RASSF2: variants seen among roughly 807,000 people sequenced by gnomAD.
RASSF2 encodes the protein Ras association domain family member 2, also known as ras association domain-containing protein 2.
A neutral mutation model predicts 46.3 loss-of-function variants in RASSF2; 34 were observed. The observed-to-expected ratio is 0.73, with a 90% confidence interval of 0.56 to 0.98. The LOEUF (loss-of-function observed/expected upper bound fraction) is 0.98. Ranked by LOEUF, RASSF2 falls within the 50% of genes least tolerant of loss-of-function variation. The probability of loss-of-function intolerance (pLI) is 0.00; values close to 1 mark genes in which losing one functional copy is unlikely to be tolerated. For missense variants in RASSF2, 364 were observed against 431.2 expected, an observed-to-expected ratio of 0.84 and a Z score of 1.38; for synonymous variants, 158 against 162.5, an observed-to-expected ratio of 0.97 and a Z score of 0.21.
At chr20:4,786,412 A>C in intron 10 of RASSF2, 84 bp from the exon 11 acceptor site, 2 of 1,182,768 alleles carry the variant, frequency 1.7e-6, no homozygotes, top group Non-Finnish European at 2.5e-6. Flanking sequence ...TACAAGGCAC[A>C]AAGCCTTGGG....
In RASSF2 at chr20:4,795,915, G is replaced by A. The variant is rs201330263; in HGVS notation, c.187C>T (p.Arg63Cys). Residue 63 changes from arginine to cysteine, a missense_variant, in exon 5 of 12, where the codon CGC (arginine) becomes TGC (cysteine). Transcript: ENST00000379400. The surrounding 1 kb of genome is among the most constrained non-coding windows in gnomAD (Gnocchi z 4.0). ...EGLLNISWGL[R>C]RPIRLQMQDD... is the part of the protein sequence containing the mutation. ...TGCATCTGCAGGCGAATGGGCCGGC[G>A]CAGGCCCCAGGAGATGTTCAGGAGC... 1.2e-5 allele frequency: 19 copies of A among 1,596,250 alleles called. No individual in the cohort carries two copies. Among genetic ancestry groups the A allele is most frequent in the East Asian group, 4.6e-5 (2 of 43,272 alleles).
chr20:4,781,400 T>G lies in RASSF2; in HGVS notation c.*2873A>C, dbSNP rs908032483. The G allele has an allele frequency of 1.3e-5, 2 of 152,218 alleles. No homozygotes were observed. The highest frequency in any genetic ancestry group is 2.9e-5 in the Non-Finnish European group (2 of 68,042). The allele number at this position is 152,218 out of a possible 1,614,324, so 9.4% of individuals were successfully genotyped here. A position where few individuals can be genotyped will look rare whatever the true frequency, so the allele number is the denominator to read the frequency against. The stretch of plus-strand genomic sequence containing the variant: ...AATCTTGACCCGAGGCCTCAGCATT[T>G]TTCTTGCAGATGGGTGACTAATATC... On this transcript the variant is annotated 3_prime_UTR_variant, in exon 12 of 12. Coordinates refer to ENST00000379400, the MANE Select transcript of RASSF2 (RefSeq NM_014737.3).
chr20:4,788,454 C>T (rs1925559620), intron 8 of RASSF2, among the ~76,000 whole-genome samples, 186 bp from the exon 9 acceptor site: 1 of 152,164 alleles, frequency 6.6e-6, no homozygotes, highest in Non-Finnish European at 1.5e-5. Context: ...ATCAATAATA[C>T]AGTCATGCAC....
chr20:4,820,656 T>C (rs549384835), intron 2 of RASSF2, among the ~76,000 whole-genome samples: 54 of 152,312 alleles, frequency 3.5e-4, no homozygotes, highest in African/African-American at 1.3e-3. Flanking sequence ...AGGGAATTTC[T>C]ACCCCTTGCT....
Position 4,788,201 on chromosome 20 carries a change from T to G in RASSF2, c.691+16A>C, listed in dbSNP as rs1601085493. 3 of 1,175,714 alleles carry G rather than the reference T, an allele frequency of 2.6e-6. No homozygotes were observed. Among genetic ancestry groups the G allele is most frequent in the Non-Finnish European group, 3.6e-6 (3 of 835,974 alleles). 72.8% of individuals were successfully genotyped at this position (1,175,714 alleles called of 1,614,324 possible). On this transcript the variant is annotated intron_variant, in intron 9 of 11. Coordinates refer to ENST00000379400, the MANE Select transcript of RASSF2 (RefSeq NM_014737.3). ...TAATTAGAAGTTTTAAAGTACACTG[T>G]GGTCTTCAGACTTACCACCACTCGT...
In RASSF2 at chr20:4,797,382, G is replaced by A. The variant is rs182153293; in HGVS notation, c.135+628C>T. On this transcript the variant is annotated intron_variant, in intron 4 of 11. Transcript: ENST00000379400. ...GTGTTTCAAAGGGCATTACACATAG[G>A]GACCTTTTTATCAGTCACAGGCGCT... 2.6e-5 allele frequency among the ~76,000 whole-genome samples: 4 copies of A among 152,198 alleles called. No individual in the cohort carries two copies. The East Asian group carries it at 5.8e-4, about 22-fold the overall frequency.
chr20:4,805,204 A>G (rs1927247008), intron 2 of RASSF2, among the ~76,000 whole-genome samples: 2 of 152,154 alleles, frequency 1.3e-5, no homozygotes, highest in South Asian at 4.1e-4. Context: ...ATGTGATTAA[A>G]TGAAGGATCT....
chr20:4,809,890 C>T (rs145204664), intron 2 of RASSF2, among the ~76,000 whole-genome samples: 53 of 152,240 alleles, frequency 3.5e-4, no homozygotes, highest in East Asian at 5.8e-4. Flanking sequence ...GGGCAGGTGG[C>T]GCTTCTGGAC....
chr20:4,805,646 C>T (rs927655030), intron 2 of RASSF2, among the ~76,000 whole-genome samples: 3 of 152,126 alleles, frequency 2.0e-5, no homozygotes, highest in African/African-American at 7.2e-5. Flanking sequence ...AAAGGTCACC[C>T]ACCCAATGCC....
At chr20:4,789,809 G>A in intron 7 of RASSF2, 112 bp from the exon 8 acceptor site, 1 of 866,986 alleles carries the variant, frequency 1.2e-6, no homozygotes, top group Non-Finnish European at 1.8e-6. Flanking sequence ...TACTCCCTGG[G>A]AGCCCCCGGC....
rs771871352 is a variant in RASSF2, at chr20:4,792,625, G to A, written c.290C>T (p.Thr97Ile). ...HSGCNLGAQG[T>I]TLKPLTVPKV... The stretch of plus-strand genomic sequence containing the variant: ...GGGCACAGTCAGGGGCTTCAGAGTG[G>A]TTCTGGGAGTGGAGAAGACAAAGGG... Residue 97 changes from threonine to isoleucine, a missense_variant and splice_region_variant, in exon 6 of 12, where the codon ACC (threonine) becomes ATC (isoleucine). Coordinates refer to ENST00000379400, the MANE Select transcript of RASSF2 (RefSeq NM_014737.3). The A allele has an allele frequency of 3.1e-6, 5 of 1,613,930 alleles. No homozygotes were observed. The East Asian group carries it at 6.7e-5, about 22-fold the overall frequency.
At chr20:4,823,267 GC>G (rs1928843500) in intron 1 of RASSF2, among the ~76,000 whole-genome samples, 3 of 151,986 alleles carry the variant, frequency 2.0e-5, no homozygotes, top group African/African-American at 7.2e-5. Flanking sequence ...GGCATCCCGC[GC>G]CAGTGCCTCG....
chr20:4,789,369 G>A (rs1181864764), intron 8 of RASSF2, among the ~76,000 whole-genome samples: 1 of 152,214 alleles, frequency 6.6e-6, no homozygotes, highest in Non-Finnish European at 1.5e-5. Flanking sequence ...TTCTGATTTA[G>A]TGGGTCTGGG....
chr20:4,785,904 C>T (rs1234655403), intron 11 of RASSF2, among the ~76,000 whole-genome samples: 3 of 152,188 alleles, frequency 2.0e-5, no homozygotes, highest in Non-Finnish European at 1.5e-5. Flanking sequence ...AAGAAACCAG[C>T]GTACAGTCAC....
chr20:4,803,181 G>T (rs1212267821), intron 2 of RASSF2, among the ~76,000 whole-genome samples: 1 of 152,004 alleles, frequency 6.6e-6, no homozygotes, highest in East Asian at 1.9e-4. Flanking sequence ...AAAGTGCTGG[G>T]ATTACAGGCA....
At chr20:4,785,880 C>G (rs1310752662) in intron 11 of RASSF2, among the ~76,000 whole-genome samples, 1 of 152,192 alleles carries the variant, frequency 6.6e-6, no homozygotes, top group Non-Finnish European at 1.5e-5. Context: ...TGCTGGGAGC[C>G]TGATCGTATA....
chr20:4,823,258 G>A (rs1484204876), intron 1 of RASSF2, among the ~76,000 whole-genome samples: 3 of 151,990 alleles, frequency 2.0e-5, no homozygotes, highest in African/African-American at 7.2e-5. Context: ...CTTGCGCCGG[G>A]CATCCCGCGC....
chr20:4,805,504 T>C (rs1457398852), intron 2 of RASSF2, among the ~76,000 whole-genome samples: 1 of 152,144 alleles, frequency 6.6e-6, no homozygotes, highest in Non-Finnish European at 1.5e-5. Context: ...ACTTCAAGAC[T>C]TCTGGACTCC....
chr20:4,810,698 C>T (rs2122635111), intron 2 of RASSF2, among the ~76,000 whole-genome samples: 1 of 152,260 alleles, frequency 6.6e-6, no homozygotes, highest in Admixed American at 6.5e-5. Flanking sequence ...TTTTTTGTTT[C>T]CTGAATTGTC....
Sources: gnomAD v4.1 joint callset for allele counts (sites outside exome capture counted in the v4.1 genomes callset) on GRCh38, gnomAD v4.1.1 for gene constraint, Gnocchi (gnomAD v3.1) non-coding constraint, MANE v1.5 for transcripts, NCBI Gene and HGNC (gene_info 2026-07-23, HGNC 2026-07-21) for gene names.